The following EPB41L4A variants were observed in gnomAD, a reference collection of about 807,000 sequenced individuals.
EPB41L4A encodes the protein band 4.1-like protein 4A.
EPB41L4A carries 100 observed loss-of-function variants against 108.6 expected under a neutral mutation model. The ratio of observed to expected loss-of-function variants is 0.92; its 90% CI spans 0.78 to 1.09. EPB41L4A has a LOEUF of 1.09. Ranked by LOEUF, EPB41L4A falls within the 50% of genes least tolerant of loss-of-function variation. EPB41L4A has a pLI of 0.00. For missense variants in EPB41L4A, 1,030 were observed against 842.7 expected (o/e 1.22, Z -2.75); for synonymous variants, 319 against 289.0 (o/e 1.10, Z -1.05).
At chr5:112,286,273 A>G (rs1753271156) in intron 2 of EPB41L4A, among the ~76,000 whole-genome samples, 1 of 152,092 alleles carries the variant, frequency 6.6e-6, no homozygotes, top group Non-Finnish European at 1.5e-5. Flanking sequence ...AAAAACACCC[A>G]TGGGTAACTC....
intron 12 of EPB41L4A, among the ~76,000 whole-genome samples, chr5:112,149,883 T>C (rs1235523201): frequency 2.0e-5 from 3 of 152,154 alleles, no homozygotes; most frequent in Non-Finnish European, 4.4e-5. Flanking sequence ...TTAGGCTTCA[T>C]AGGGCCACTT....
chr5:112,333,188 T>G (rs978275755), intron 1 of EPB41L4A, among the ~76,000 whole-genome samples: 1 of 152,042 alleles, frequency 6.6e-6, no homozygotes, highest in Non-Finnish European at 1.5e-5. Context: ...CACAGTTGAG[T>G]CTCTGGCTGA....
intron 1 of EPB41L4A, among the ~76,000 whole-genome samples, chr5:112,336,847 T>C (rs1255382441): frequency 6.6e-6 from 1 of 152,216 alleles, no homozygotes; most frequent in Non-Finnish European, 1.5e-5. Context: ...GTCTTTCAAC[T>C]TTCTCAAGGC....
chr5:112,261,399 T>C (rs1422859194), intron 7 of EPB41L4A, among the ~76,000 whole-genome samples: 3 of 152,160 alleles, frequency 2.0e-5, no homozygotes, highest in African/African-American at 4.8e-5. Flanking sequence ...CATAATCCAA[T>C]TGATTAAAAA....
chr5:112,339,476 A>ATT (rs1561584871), intron 1 of EPB41L4A, among the ~76,000 whole-genome samples: 1 of 11,510 alleles, frequency 8.7e-5, no homozygotes, highest in Non-Finnish European at 2.5e-4. Context: ...ATATATATCT[A>ATT]TATATATATA....
chr5:112,254,576 G>A (rs1750932947), intron 9 of EPB41L4A, among the ~76,000 whole-genome samples: 1 of 152,126 alleles, frequency 6.6e-6, no homozygotes, highest in African/African-American at 2.4e-5. Context: ...ACAGTTAAGA[G>A]AGGCCCTCCC....
At chr5:112,251,611 G>C (rs1212267270) in intron 9 of EPB41L4A, among the ~76,000 whole-genome samples, 1 of 152,098 alleles carries the variant, frequency 6.6e-6, no homozygotes, top group African/African-American at 2.4e-5. Context: ...AACACAGGGA[G>C]GATTAACCAG....
chr5:112,319,277 TGA>T (rs1755615126), intron 1 of EPB41L4A, among the ~76,000 whole-genome samples: 2 of 151,496 alleles, frequency 1.3e-5, no homozygotes, highest in Admixed American at 1.3e-4. Flanking sequence ...ACAAAAAAAA[TGA>T]TAGTGTCAGA....
chr5:112,268,336 CCACTG>C (rs1752012230), intron 4 of EPB41L4A, among the ~76,000 whole-genome samples: 1 of 152,142 alleles, frequency 6.6e-6, no homozygotes, highest in Non-Finnish European at 1.5e-5. Flanking sequence ...TGAGATTGCG[CCACTG>C]CACCCCAGCC....
intron 1 of EPB41L4A, among the ~76,000 whole-genome samples, chr5:112,384,745 G>C (rs1422702395): frequency 6.8e-6 from 1 of 147,450 alleles, no homozygotes; most frequent in Non-Finnish European, 1.5e-5. Flanking sequence ...AAAAGAGAAA[G>C]AGAAACAAGG....
intron 9 of EPB41L4A, among the ~76,000 whole-genome samples, chr5:112,244,416 A>C (rs1210865229): frequency 1.3e-5 from 2 of 152,132 alleles, no homozygotes; most frequent in African/African-American, 2.4e-5. Context: ...ATTGAGAAAG[A>C]ATTCAGGTGG....
chr5:112,257,244 G>A (rs964261574), intron 9 of EPB41L4A: 3 of 152,102 alleles, frequency 2.0e-5, no homozygotes, highest in African/African-American at 7.2e-5. Flanking sequence ...GAATACTTAG[G>A]AAACAGAATG....
At chr5:112,302,407 G>A (rs1754424272) in intron 2 of EPB41L4A, among the ~76,000 whole-genome samples, 1 of 152,082 alleles carries the variant, frequency 6.6e-6, no homozygotes, top group Non-Finnish European at 1.5e-5. Flanking sequence ...AGATTTGGAG[G>A]GGAAGATGGC....
At chr5:112,296,752 C>G (rs1395162313) in intron 2 of EPB41L4A, among the ~76,000 whole-genome samples, 1 of 151,980 alleles carries the variant, frequency 6.6e-6, no homozygotes, top group Non-Finnish European at 1.5e-5. Flanking sequence ...TTATCCCTCA[C>G]CCCCTTCCTA....
chr5:112,285,718 T>C (rs1753237546), intron 2 of EPB41L4A, among the ~76,000 whole-genome samples: 1 of 152,184 alleles, frequency 6.6e-6, no homozygotes, highest in Non-Finnish European at 1.5e-5. Context: ...TCACTGGCCC[T>C]GGGAATATTC....
chr5:112,361,593 A>C (rs1422834303), intron 1 of EPB41L4A, among the ~76,000 whole-genome samples: 1 of 150,748 alleles, frequency 6.6e-6, no homozygotes, highest in African/African-American at 2.4e-5. Flanking sequence ...AAGAATAATT[A>C]TTGAATCTGT....
chr5:112,147,753 T>G (rs537850169), intron 12 of EPB41L4A, among the ~76,000 whole-genome samples: 6 of 150,302 alleles, frequency 4.0e-5, no homozygotes, highest in Non-Finnish European at 5.9e-5. Context: ...GACAAGGCCT[T>G]TCCAAATATA....
intron 18 of EPB41L4A, among the ~76,000 whole-genome samples, chr5:112,178,840 C>A (rs1761004226): frequency 1.3e-5 from 2 of 150,082 alleles, no homozygotes; most frequent in African/African-American, 2.4e-5. Flanking sequence ...AAATGTTATC[C>A]TAAGAAGATG....
intron 1 of EPB41L4A, among the ~76,000 whole-genome samples, chr5:112,415,974 T>C (rs997182305): frequency 6.8e-6 from 1 of 146,878 alleles, no homozygotes; most frequent in African/African-American, 2.7e-5. Context: ...ATTTTTCTGG[T>C]ATTTTTTTTT....
Sources: gnomAD v4.1 joint callset for allele counts (sites outside exome capture counted in the v4.1 genomes callset) on GRCh38, gnomAD v4.1.1 for gene constraint, MANE v1.5 for transcripts, NCBI Gene and HGNC (gene_info 2026-07-23, HGNC 2026-07-21) for gene names.